Variants in GABBR1 observed in about 807,000 individuals in gnomAD.
GABBR1 encodes the protein gamma-aminobutyric acid type B receptor subunit 1, also known as GABA-B receptor, R1 subunit.
GABBR1 carries 35 observed loss-of-function variants against 117.7 expected under a neutral mutation model. That is an observed-to-expected ratio of 0.30 (90% CI 0.23 to 0.39). The LOEUF (loss-of-function observed/expected upper bound fraction) is 0.39, where lower values mean the gene tolerates loss of function less well. Ranked by LOEUF, GABBR1 falls within the 10% of genes least tolerant of loss-of-function variation. GABBR1 has a pLI of 1.00. For missense variants in GABBR1, 709 were observed against 1,241.8 expected (o/e 0.57, Z 6.45); for synonymous variants, 442 against 486.6 (o/e 0.91, Z 1.21).
chr6:29,630,398 C>T lies in GABBR1; in HGVS notation c.475+60G>A, dbSNP rs546040628. 6.9e-7 allele frequency: 1 copy of T among 1,442,596 alleles called. No homozygotes were observed. Among genetic ancestry groups the T allele is most frequent in the Non-Finnish European group, 9.7e-7 (1 of 1,032,114 alleles). The allele number at this position is 1,442,596 out of a possible 1,614,324, so 89.4% of individuals were successfully genotyped here. The stretch of plus-strand genomic sequence containing the variant: ...TTCTTTCCCATTATCCATTCCCACC[C>T]CACTCCCATCCTCACACAAGCGTCC... On this transcript the variant is annotated intron_variant, in intron 4 of 22. Transcript: ENST00000377034. This position sits in a 1 kb window ranked among gnomAD's most constrained non-coding sequence, Gnocchi z 4.9.
chr6:29,632,675 G>A lies in GABBR1; in HGVS notation c.-1+175C>T. The A allele has an allele frequency of 1.4e-6, 2 of 1,435,800 alleles. No individual in the cohort carries two copies. The highest frequency in any genetic ancestry group is 1.8e-6 in the Non-Finnish European group (2 of 1,093,388). The allele number at this position is 1,435,800 out of a possible 1,614,324, so 88.9% of individuals were successfully genotyped here. On this transcript the variant is annotated intron_variant, in intron 1 of 22. Coordinates refer to ENST00000377034, the MANE Select transcript of GABBR1 (RefSeq NM_001470.4). The surrounding 1 kb of genome is among the most constrained non-coding windows in gnomAD (Gnocchi z 5.8). ...CGGCCCCCGCGGCTCGCAGAAGCCT[G>A]GCTTACCCACGCTCCCGGCATCGGC...
chr6:29,615,510 G>C (rs1379982218), intron 11 of GABBR1, among the ~76,000 whole-genome samples: 1 of 150,758 alleles, frequency 6.6e-6, no homozygotes, highest in Non-Finnish European at 1.5e-5. Context: ...TTGGGAAGCT[G>C]AGGTAGAAGA....
In GABBR1 at chr6:29,623,377, G is replaced by A. The variant is rs369545944; in HGVS notation, c.891C>T (p.Arg297=). The A allele has an allele frequency of 1.4e-5, 22 of 1,614,116 alleles. No individual in the cohort carries two copies. Among genetic ancestry groups the A allele is most frequent in the South Asian group, 3.3e-5 (3 of 91,080 alleles). Residue 297 remains arginine, a synonymous_variant, in exon 8 of 23, where the codon CGC becomes CGT. Transcript: ENST00000377034. The surrounding 1 kb of genome is among the most constrained non-coding windows in gnomAD (Gnocchi z 6.2). ...AGCCCCACTTTTCAAAGAGTTTCAC[G>A]CGGGTAGGGTTGTGGAGTGTGGCTG... ...HPSATLHNPT[R]VKLFEKWGWK...
chr6:29,625,708 C>T (rs965659299), intron 6 of GABBR1, among the ~76,000 whole-genome samples: 3 of 152,146 alleles, frequency 2.0e-5, no homozygotes, highest in Non-Finnish European at 4.4e-5. Flanking sequence ...CCCACGTCTG[C>T]TCCCCGCCAC....
rs1294463704 is a variant in GABBR1, at chr6:29,603,726, G to A, written c.2713-10C>T. 1 of 1,479,466 alleles carries A rather than the reference G, an allele frequency of 6.8e-7. No homozygotes were observed. Among genetic ancestry groups the A allele is most frequent in the Non-Finnish European group, 8.9e-7 (1 of 1,117,680 alleles). 91.6% of individuals were successfully genotyped at this position (1,479,466 alleles called of 1,614,324 possible). The stretch of plus-strand genomic sequence containing the variant: ...AGACACGCTCCTCTTTCTGGAGGAA[G>A]AAGCACAATTGGGATAGTAGGAGAA... On this transcript the variant is annotated splice_polypyrimidine_tract_variant and intron_variant, in intron 22 of 22. Transcript: ENST00000377034.
chr6:29,606,768 A>G lies in GABBR1; in HGVS notation c.2217+129T>C, dbSNP rs1370060485. 2 of 739,908 alleles carry G rather than the reference A, an allele frequency of 2.7e-6. No homozygotes were observed. Among genetic ancestry groups the G allele is most frequent in the Admixed American group, 2.6e-5 (1 of 38,486 alleles). 45.8% of individuals were successfully genotyped at this position (739,908 alleles called of 1,614,324 possible). ...GGCTCCTTCTAGGAAGGAAAGGAAG[A>G]GCTTCCAATACGAGGAAGGCACTCT... On this transcript the variant is annotated intron_variant, in intron 18 of 22. Coordinates refer to ENST00000377034, the MANE Select transcript of GABBR1 (RefSeq NM_001470.4). The surrounding 1 kb of genome is among the most constrained non-coding windows in gnomAD (Gnocchi z 4.5).
At chr6:29,619,974 A>G (rs1379609355) in intron 11 of GABBR1, among the ~76,000 whole-genome samples, 2 of 152,212 alleles carry the variant, frequency 1.3e-5, no homozygotes, top group Non-Finnish European at 2.9e-5. Flanking sequence ...CAACTTCCTA[A>G]ATCTTATTTC....
In GABBR1 at chr6:29,627,954, A is replaced by G; in HGVS notation, c.497-308T>C. The G allele has an allele frequency of 7.5e-7, 1 of 1,339,886 alleles. No individual in the cohort carries two copies. The highest frequency in any genetic ancestry group is 2.0e-5 in the South Asian group (1 of 48,946). 83.0% of individuals were successfully genotyped at this position (1,339,886 alleles called of 1,614,324 possible). A position where few individuals can be genotyped will look rare whatever the true frequency, so the allele number is the denominator to read the frequency against. ...GAGAAGCAGGGAAGGTTGGCTTCCT[A>G]CGGCCCCCGCGGCTCTCGCCACCGT... On this transcript the variant is annotated intron_variant, in intron 5 of 22. Coordinates refer to ENST00000377034, the MANE Select transcript of GABBR1 (RefSeq NM_001470.4). This position sits in a 1 kb window ranked among gnomAD's most constrained non-coding sequence, Gnocchi z 4.4.
At position 29,604,730 on chromosome 6, in the gene GABBR1, G is replaced by A; in HGVS notation, c.2569-93C>T. The A allele has an allele frequency of 6.3e-7, 1 of 1,599,022 alleles. No individual in the cohort carries two copies. Among genetic ancestry groups the A allele is most frequent in the Non-Finnish European group, 8.5e-7 (1 of 1,169,756 alleles). On this transcript the variant is annotated intron_variant, in intron 21 of 22. Coordinates refer to ENST00000377034, the MANE Select transcript of GABBR1 (RefSeq NM_001470.4). This position sits in a 1 kb window ranked among gnomAD's most constrained non-coding sequence, Gnocchi z 5.3. ...TTGGAGGTGGAAGGAATGCTGATAA[G>A]AGTTGGGCCCAAAACAAGGGGAGGA... is the stretch of plus-strand genomic sequence containing the variant.
intron 11 of GABBR1, among the ~76,000 whole-genome samples, chr6:29,619,168 A>G (rs1313480973): frequency 6.6e-6 from 1 of 152,082 alleles, no homozygotes; most frequent in Admixed American, 6.5e-5. Flanking sequence ...TTTGAGAACT[A>G]TTGATCTAAA....
intron 11 of GABBR1, among the ~76,000 whole-genome samples, chr6:29,614,985 A>AGAAAG (rs1562097265): frequency 7.5e-6 from 1 of 134,126 alleles, no homozygotes; most frequent in African/African-American, 2.6e-5. Context: ...ACTGCTCAAA[A>AGAAAG]AAAAAAAAAA....
rs867033121 is a variant in GABBR1 at position 29,627,906 on chromosome 6, G to A, written c.497-260C>T. 4 of 1,361,786 alleles carry A rather than the reference G, an allele frequency of 2.9e-6. No individual in the cohort carries two copies. The African/African-American group carries it at 6.1e-5, about 21-fold the overall frequency. 84.4% of individuals were successfully genotyped at this position (1,361,786 alleles called of 1,614,324 possible). ...AGGCGCCTCCATCCCTGATTTTGTG[G>A]GGAGGAGGGGGCGAGGGCCCCGGAG... On this transcript the variant is annotated intron_variant, in intron 5 of 22. Transcript: ENST00000377034. The surrounding 1 kb of genome is among the most constrained non-coding windows in gnomAD (Gnocchi z 4.4).
chr6:29,625,262 G>A (rs17178007), intron 6 of GABBR1, among the ~76,000 whole-genome samples: 5,907 of 151,976 alleles, frequency 0.039, 150 homozygotes, highest in Middle Eastern at 0.14. Flanking sequence ...CCATTCTCAG[G>A]ACCCACCTTC....
Position 29,605,197 on chromosome 6 carries a change from C to T in GABBR1, c.2440-209G>A. ...GTTTTCACTCTTGGTTAACCCCTCC[C>T]CTCAAGGCAGGAACTCCCAGGATCT... On this transcript the variant is annotated intron_variant, in intron 20 of 22. Coordinates refer to ENST00000377034, the MANE Select transcript of GABBR1 (RefSeq NM_001470.4). This position sits in a 1 kb window ranked among gnomAD's most constrained non-coding sequence, Gnocchi z 4.2. 1 of 608,068 alleles carries T rather than the reference C, an allele frequency of 1.6e-6. No individual in the cohort carries two copies. The highest frequency in any genetic ancestry group is 2.9e-5 in the East Asian group (1 of 34,830). The allele number at this position is 608,068 out of a possible 1,614,324, so 37.7% of individuals were successfully genotyped here. A position where few individuals can be genotyped will look rare whatever the true frequency, so the allele number is the denominator to read the frequency against.
At position 29,605,098 on chromosome 6, in the gene GABBR1, C is replaced by T. The variant is rs1761814200; in HGVS notation, c.2440-110G>A. 16 of 1,192,444 alleles carry T rather than the reference C, an allele frequency of 1.3e-5. No homozygotes were observed. The South Asian group carries it at 2.6e-4, about 20-fold the overall frequency. The allele number at this position is 1,192,444 out of a possible 1,614,324, so 73.9% of individuals were successfully genotyped here. On this transcript the variant is annotated intron_variant, in intron 20 of 22. Transcript: ENST00000377034. This position sits in a 1 kb window ranked among gnomAD's most constrained non-coding sequence, Gnocchi z 4.2. ...TGCAGACAGTTTCCTGGTGAACTTT[C>T]CCTTTGAAAAGGATCCAAATTCAGG...
In GABBR1 at chr6:29,604,346, C is replaced by T. The variant is rs1761723131; in HGVS notation, c.2712+148G>A. The T allele has an allele frequency of 6.4e-6, 6 of 933,458 alleles. No individual in the cohort carries two copies. The highest frequency in any genetic ancestry group is 1.0e-5 in the Non-Finnish European group (6 of 584,552). The allele number at this position is 933,458 out of a possible 1,614,324, so 57.8% of individuals were successfully genotyped here. A position where few individuals can be genotyped will look rare whatever the true frequency, so the allele number is the denominator to read the frequency against. On this transcript the variant is annotated intron_variant, in intron 22 of 22. Transcript: ENST00000377034. The surrounding 1 kb of genome is among the most constrained non-coding windows in gnomAD (Gnocchi z 5.3). Reference sequence around the variant, plus strand: ...TTCCCCTCCCCTATGCTGCTCCATTCACTCCTTACAGGTTGTCTCCTAGGA... The same window carrying T: ...TTCCCCTCCCCTATGCTGCTCCATTTACTCCTTACAGGTTGTCTCCTAGGA...
At chr6:29,612,656 G>C (rs753406642) in intron 12 of GABBR1, 42 bp from the exon 13 acceptor site, 2 of 1,542,974 alleles carry the variant, frequency 1.3e-6, no homozygotes, top group Middle Eastern at 1.7e-4. Flanking sequence ...GGAGACAAAA[G>C]CAAGAGTGAA....
In GABBR1 at chr6:29,613,620, A is replaced by G. The variant is rs899140844; in HGVS notation, c.1324-135T>C. On this transcript the variant is annotated intron_variant, in intron 11 of 22. Coordinates refer to ENST00000377034, the MANE Select transcript of GABBR1 (RefSeq NM_001470.4). This position sits in a 1 kb window ranked among gnomAD's most constrained non-coding sequence, Gnocchi z 4.1. ...TACTGTTGTCAGATTGGACACATGT[A>G]CATTCAAAATCTTTAACTATACCCA... is the stretch of plus-strand genomic sequence containing the variant. 30 of 1,139,902 alleles carry G rather than the reference A, an allele frequency of 2.6e-5. No homozygotes were observed. Among genetic ancestry groups the G allele is most frequent in the Non-Finnish European group, 3.6e-5 (29 of 802,986 alleles). The allele number at this position is 1,139,902 out of a possible 1,614,324, so 70.6% of individuals were successfully genotyped here.
In GABBR1 at chr6:29,631,477, C is replaced by T. The variant is rs766282918; in HGVS notation, c.208G>A (p.Glu70Lys). 1 of 1,613,976 alleles carries T rather than the reference C, an allele frequency of 6.2e-7. No individual in the cohort carries two copies. ...DYEIEYVCRG[E>K]REVVGPKVRK... Reference sequence around the variant, plus strand: ...ACCTTGGGCCCCACCACCTCGCGCTCCCCCCGGCACACATACTCAATCTCA... The same window carrying T: ...ACCTTGGGCCCCACCACCTCGCGCTTCCCCCGGCACACATACTCAATCTCA... Residue 70 changes from glutamate (E) to lysine (K), a missense_variant, in exon 3 of 23, where the codon GAG becomes AAG. Physicochemically the swap from Glu to Lys is moderately conservative, Grantham distance 56 (BLOSUM62 1). Around this residue, in one of 9 missense-constraint regions of GABBR1, gnomAD observed 101 missense variants for 132.3 expected, o/e 0.76. Coordinates refer to ENST00000377034, the MANE Select transcript of GABBR1 (RefSeq NM_001470.4). This position sits in a 1 kb window ranked among gnomAD's most constrained non-coding sequence, Gnocchi z 5.9.
Sources: allele counts gnomAD v4.1 joint callset (sites outside exome capture counted in the v4.1 genomes callset), GRCh38; gene constraint gnomAD v4.1.1; regional missense constraint gnomAD v4.1.1; non-coding constraint Gnocchi (gnomAD v3.1); transcripts MANE v1.5; gene names NCBI Gene and HGNC (gene_info 2026-07-23, HGNC 2026-07-21).